FOLH1: variants seen among roughly 807,000 people sequenced by gnomAD.
FOLH1 encodes glutamate carboxypeptidase 2.
A neutral mutation model predicts 93.9 loss-of-function variants in FOLH1; 54 were observed. That is an observed-to-expected ratio of 0.57 (90% CI 0.46 to 0.72). The LOEUF is 0.72. Ranked by LOEUF, FOLH1 falls within the 30% of genes least tolerant of loss-of-function variation. FOLH1 has a pLI of 0.00. For synonymous variants in FOLH1, 249 were observed against 303.6 expected, an observed-to-expected ratio of 0.82 and a Z score of 1.87; for missense variants, 571 against 892.5, an observed-to-expected ratio of 0.64 and a Z score of 4.59.
intron 17 of FOLH1, among the ~76,000 whole-genome samples, chr11:49,151,308 T>C (rs1590405204): frequency 6.6e-6 from 1 of 152,214 alleles, no homozygotes; most frequent in Non-Finnish European, 1.5e-5. Flanking sequence ...GAATGAAGGA[T>C]AATTTCAATA....
chr11:49,162,045 C>G (rs1857764437), intron 13 of FOLH1, among the ~76,000 whole-genome samples: 1 of 152,170 alleles, frequency 6.6e-6, no homozygotes, highest in Non-Finnish European at 1.5e-5. Context: ...TTCCCTCTAG[C>G]TGCCTTTAAC....
Position 49,186,475 on chromosome 11 carries a change from C to A in FOLH1, c.639+169G>T, listed in dbSNP as rs1861396215. Among the ~76,000 whole-genome samples the A allele has an allele frequency of 2.0e-5, 3 of 152,160 alleles. No homozygotes were observed. In the South Asian group the frequency reaches 6.2e-4, roughly 31 times the overall value. On this transcript the variant is annotated intron_variant, in intron 5 of 18. Coordinates refer to ENST00000256999, the MANE Select transcript of FOLH1 (RefSeq NM_004476.3). ...GCCAAATTCCAATGCTCGAATTTAA[C>A]CCCGGGATATAACCTAGTAAATGTG...
At chr11:49,186,110 A>G (rs1861336596) in intron 5 of FOLH1, 2 of 553,710 alleles carry the variant, frequency 3.6e-6, no homozygotes, top group African/African-American at 2.0e-5. Context: ...TCCTACCACT[A>G]GCTTACAAAT....
chr11:49,170,700 G>A (rs1859155821), intron 11 of FOLH1, among the ~76,000 whole-genome samples: 1 of 152,166 alleles, frequency 6.6e-6, no homozygotes, highest in African/African-American at 2.4e-5. Flanking sequence ...TTCATGGTCA[G>A]GAAATAGAGA....
At chr11:49,165,414 T>C (rs1858266634) in intron 12 of FOLH1, among the ~76,000 whole-genome samples, 3 of 152,188 alleles carry the variant, frequency 2.0e-5, no homozygotes, top group African/African-American at 7.2e-5. Context: ...GGTGCTCTTC[T>C]TAGAGTTTCA....
intron 7 of FOLH1, among the ~76,000 whole-genome samples, chr11:49,180,600 T>C (rs1860608221): frequency 6.6e-6 from 1 of 152,224 alleles, no homozygotes; most frequent in South Asian, 2.1e-4. Context: ...TCTTTTCTAA[T>C]TAGTGCACAA....
intron 4 of FOLH1, among the ~76,000 whole-genome samples, chr11:49,190,648 G>A (rs1431180203): frequency 6.6e-6 from 1 of 152,166 alleles, no homozygotes; most frequent in Admixed American, 6.5e-5. Flanking sequence ...TAGAATCTGT[G>A]TTTTACAAGC....
intron 12 of FOLH1, 92 bp from the exon 13 acceptor site, chr11:49,164,864 T>C (rs1327862215): frequency 2.0e-5 from 21 of 1,027,030 alleles, no homozygotes; most frequent in Middle Eastern, 3.1e-4. Flanking sequence ...ACCAGAATGA[T>C]TGTTTTAAAA....
chr11:49,168,856 C>G (rs1858813669), intron 12 of FOLH1, among the ~76,000 whole-genome samples: 1 of 151,928 alleles, frequency 6.6e-6, no homozygotes, highest in African/African-American at 2.4e-5. Flanking sequence ...TACTAAATTC[C>G]TGCTGTATAT....
At chr11:49,201,786 T>C (rs570900349) in intron 2 of FOLH1, among the ~76,000 whole-genome samples, 22 of 152,208 alleles carry the variant, frequency 1.4e-4, no homozygotes, top group Non-Finnish European at 2.9e-4. Context: ...AGGATGCAGA[T>C]ATCCTGAAGT....
At position 49,156,918 on chromosome 11, in the gene FOLH1, C is replaced by T; in HGVS notation, c.1533-111G>A. The stretch of plus-strand genomic sequence containing the variant: ...TTACTATTATAAATGTAATTTTAAA[C>T]ATACAGCTTTAGACATGCAGCAAAA... On this transcript the variant is annotated intron_variant, in intron 14 of 18. Transcript: ENST00000256999. The T allele has an allele frequency of 2.6e-6, 4 of 1,540,592 alleles. No individual in the cohort carries two copies. The South Asian group carries it at 4.9e-5, about 19-fold the overall frequency.
chr11:49,151,402 G>A (rs541798092), intron 17 of FOLH1, among the ~76,000 whole-genome samples: 4 of 150,628 alleles, frequency 2.7e-5, no homozygotes, highest in African/African-American at 4.9e-5. Flanking sequence ...AAATGCGCGC[G>A]TGCGCGTGCG....
intron 6 of FOLH1, 60 bp from the exon 7 acceptor site, chr11:49,183,302 A>T (rs1861003004): frequency 1.6e-6 from 2 of 1,259,228 alleles, no homozygotes; most frequent in African/African-American, 1.5e-5. Flanking sequence ...ACGGTTCTCT[A>T]TAAATCACAT....
chr11:49,205,071 G>A (rs1863741958), intron 2 of FOLH1, among the ~76,000 whole-genome samples: 1 of 152,070 alleles, frequency 6.6e-6, no homozygotes, highest in Non-Finnish European at 1.5e-5. Flanking sequence ...TTAGCTGGGT[G>A]TGGTGGTGCA....
chr11:49,206,069 T>A lies in FOLH1; in HGVS notation c.222A>T (p.Leu74Phe), dbSNP rs1223640600. Residue 74 changes from leucine (L) to phenylalanine (F), a missense_variant and splice_region_variant, in exon 2 of 19, where the codon TTA (leucine) becomes TTT (phenylalanine). This residue lies in a region of FOLH1 where 500 missense variants were observed against 822.9 expected (regional missense o/e 0.61). Transcript: ENST00000256999. The stretch of plus-strand genomic sequence containing the variant: ...TAAACTTTCGAGGATGTACTTACTA[T>A]AAGAACTTCTTGATGTTCTCAGCTT... ...ELKAENIKKF[L>F]YNFTQIPHLA... The A allele has an allele frequency of 6.2e-7, 1 of 1,610,520 alleles. No homozygotes were observed. Among genetic ancestry groups the A allele is most frequent in the African/African-American group, 1.3e-5 (1 of 74,828 alleles).
At chr11:49,195,172 A>T (rs1862489395) in intron 3 of FOLH1, among the ~76,000 whole-genome samples, 1 of 152,176 alleles carries the variant, frequency 6.6e-6, no homozygotes, top group Admixed American at 6.5e-5. Context: ...GTTCCAAAGG[A>T]AGCCTCAACA....
At chr11:49,167,998 C>A (rs1341640324) in intron 12 of FOLH1, among the ~76,000 whole-genome samples, 1 of 149,752 alleles carries the variant, frequency 6.7e-6, no homozygotes, top group African/African-American at 2.4e-5. Flanking sequence ...TTTACTAATA[C>A]ACTAAAGAAA....
chr11:49,174,771 G>C (rs1010915861), intron 9 of FOLH1, 121 bp downstream of exon 9: 4 of 916,822 alleles, frequency 4.4e-6, no homozygotes, highest in Admixed American at 2.8e-5. Flanking sequence ...GAGTTCCACC[G>C]ATTTTCTTCG....
At chr11:49,163,682 A>T (rs1331077775) in intron 13 of FOLH1, among the ~76,000 whole-genome samples, 1 of 151,572 alleles carries the variant, frequency 6.6e-6, no homozygotes, top group Non-Finnish European at 1.5e-5. Context: ...TGGGGGTCTA[A>T]CCTCCTGCTG....
Sources: gnomAD v4.1 joint callset for allele counts (sites outside exome capture counted in the v4.1 genomes callset) on GRCh38, gnomAD v4.1.1 for gene constraint, gnomAD v4.1.1 regional missense constraint, MANE v1.5 for transcripts, NCBI Gene and HGNC (gene_info 2026-07-23, HGNC 2026-07-21) for gene names.